ARHGEF4: variants seen among roughly 807,000 people sequenced by gnomAD.
ARHGEF4 encodes the protein Rho guanine nucleotide exchange factor 4.
Under a neutral mutation model 162.0 loss-of-function variants are expected in ARHGEF4, and 119 were observed. The ratio of observed to expected loss-of-function variants is 0.73; its 90% CI spans 0.63 to 0.86. The LOEUF is 0.86. ARHGEF4 is among the 40% of genes least tolerant of loss of function. The probability of loss-of-function intolerance (pLI) is 0.00; values close to 1 mark genes in which losing one functional copy is unlikely to be tolerated. For missense variants in ARHGEF4, 2,488 were observed against 2,456.0 expected (o/e 1.01, Z -0.28); for synonymous variants, 1,014 against 979.9 (o/e 1.03, Z -0.65).
At chr2:131,037,719 G>C (rs1038505373) in intron 5 of ARHGEF4, among the ~76,000 whole-genome samples, 1 of 152,220 alleles carries the variant, frequency 6.6e-6, no homozygotes, top group African/African-American at 2.4e-5. Context: ...TGGCGTACAA[G>C]GGCTGCCTGG....
chr2:130,880,191 G>A (rs942919861), intron 1 of ARHGEF4, among the ~76,000 whole-genome samples: 1 of 152,150 alleles, frequency 6.6e-6, no homozygotes, highest in Non-Finnish European at 1.5e-5. Context: ...GGGTCCAGGC[G>A]GGCTGATCCC....
intron 1 of ARHGEF4, among the ~76,000 whole-genome samples, chr2:130,903,858 G>T (rs1574197435): frequency 2.0e-5 from 3 of 152,278 alleles, no homozygotes; most frequent in East Asian, 3.9e-4. Context: ...ATTTGATTTT[G>T]TTCTTTTTTA....
At chr2:131,020,312 T>C (rs1689031074) in intron 4 of ARHGEF4, among the ~76,000 whole-genome samples, 1 of 150,466 alleles carries the variant, frequency 6.6e-6, no homozygotes, top group African/African-American at 2.4e-5. Context: ...TAACATTAGG[T>C]ATATCTCCTA....
At chr2:130,877,544 G>A (rs1292575356) in intron 1 of ARHGEF4, among the ~76,000 whole-genome samples, 3 of 152,116 alleles carry the variant, frequency 2.0e-5, no homozygotes, top group African/African-American at 7.2e-5. Flanking sequence ...CAGCTGCTTG[G>A]GGGGCTGAGG....
chr2:130,910,602 A>C (rs1046328327), intron 1 of ARHGEF4, among the ~76,000 whole-genome samples: 3 of 152,198 alleles, frequency 2.0e-5, no homozygotes, highest in Admixed American at 1.3e-4. Flanking sequence ...AAAAACTAGT[A>C]AGACTTCCGA....
chr2:130,894,784 G>A (rs1018875162), intron 1 of ARHGEF4, among the ~76,000 whole-genome samples: 1 of 152,030 alleles, frequency 6.6e-6, no homozygotes, highest in Non-Finnish European at 1.5e-5. Context: ...CCTGTGGCGG[G>A]AGGTTGGGCA....
intron 4 of ARHGEF4, among the ~76,000 whole-genome samples, chr2:131,013,456 A>C (rs539317413): frequency 6.6e-6 from 1 of 152,250 alleles, no homozygotes; most frequent in Non-Finnish European, 1.5e-5. Context: ...ACCTAAAACT[A>C]ATATCCACAT....
Position 130,969,075 on chromosome 2 carries a change from C to T in ARHGEF4, c.3985+22440C>T, listed in dbSNP as rs528179060. 2.6e-5 allele frequency among the ~76,000 whole-genome samples: 4 copies of T among 152,254 alleles called. No homozygotes were observed. In the South Asian group the frequency reaches 8.3e-4, roughly 32 times the overall value. On this transcript the variant is annotated intron_variant, in intron 4 of 13. Transcript: ENST00000409359. The stretch of plus-strand genomic sequence containing the variant: ...ATAAGTAGAAAATGCATTTAGTACG[C>T]CTAACCTACTGAACATCATAGCTTA...
chr2:130,963,895 G>A (rs1380857085), intron 4 of ARHGEF4: 2 of 147,480 alleles, frequency 1.4e-5, no homozygotes, highest in Non-Finnish European at 3.0e-5. Flanking sequence ...GGAGCCCCAT[G>A]ATGTCAGCCG....
chr2:131,001,984 G>C (rs996392352), intron 4 of ARHGEF4, among the ~76,000 whole-genome samples: 1 of 152,142 alleles, frequency 6.6e-6, no homozygotes, highest in Non-Finnish European at 1.5e-5. Context: ...ATGCCAAAAT[G>C]CTGGCATTTG....
intron 1 of ARHGEF4, 94 bp downstream of exon 1, chr2:130,837,086 C>A: frequency 8.7e-7 from 1 of 1,152,340 alleles, no homozygotes; most frequent in Non-Finnish European, 1.1e-6. Context: ...CGCCCCGGGC[C>A]GTCCCCTGGG....
In ARHGEF4 at chr2:130,946,580, G is replaced by A; in HGVS notation, c.3930G>A (p.Gln1310=). The A allele has an allele frequency of 6.2e-7, 1 of 1,614,096 alleles. No homozygotes were observed. The highest frequency in any genetic ancestry group is 8.5e-7 in the Non-Finnish European group (1 of 1,179,982). ...NLPRRSHPLS[Q]SAPTGLNHMG... Reference sequence around the variant, plus strand: ...CTAGAAGAAGCCATCCACTCTCCCAGAGTGCTCCAACGGGACTGAACCACA... The same window carrying A: ...CTAGAAGAAGCCATCCACTCTCCCAAAGTGCTCCAACGGGACTGAACCACA... Residue 1310 remains glutamine (Q), a synonymous_variant, in exon 4 of 14, where the codon CAG becomes CAA. Coordinates refer to ENST00000409359, the MANE Select transcript of ARHGEF4 (RefSeq NM_001367493.1).
At chr2:130,989,023 A>G (rs945297290) in intron 4 of ARHGEF4, among the ~76,000 whole-genome samples, 2 of 151,624 alleles carry the variant, frequency 1.3e-5, no homozygotes, top group Admixed American at 6.6e-5. Flanking sequence ...GTGCAATGGC[A>G]CGATCTTGGC....
At chr2:130,878,822 C>T (rs982808524) in intron 1 of ARHGEF4, among the ~76,000 whole-genome samples, 5 of 152,222 alleles carry the variant, frequency 3.3e-5, no homozygotes, top group Non-Finnish European at 5.9e-5. Flanking sequence ...CAGATATTGA[C>T]GGGTTCTTTG....
At chr2:131,001,961 A>T (rs567456612) in intron 4 of ARHGEF4, among the ~76,000 whole-genome samples, 1 of 152,198 alleles carries the variant, frequency 6.6e-6, no homozygotes, top group African/African-American at 2.4e-5. Context: ...ATTTTGGGAG[A>T]TAAGCAATAA....
intron 4 of ARHGEF4, among the ~76,000 whole-genome samples, chr2:130,947,628 A>C: frequency 6.6e-6 from 1 of 152,132 alleles, no homozygotes; most frequent in East Asian, 1.9e-4. Context: ...CTTTCTCCAA[A>C]CTATAGCAAA....
At position 130,916,325 on chromosome 2, in the gene ARHGEF4, GT is replaced by G; in HGVS notation, c.2383del (p.Ser795ProfsTer3). 1.3e-6 allele frequency: 2 copies of G among 1,542,880 alleles called. No individual in the cohort carries two copies. The highest frequency in any genetic ancestry group is 1.7e-6 in the Non-Finnish European group (2 of 1,145,106). On this transcript the variant is annotated frameshift_variant, in exon 2 of 14. Coordinates refer to ENST00000409359, the MANE Select transcript of ARHGEF4 (RefSeq NM_001367493.1). LOFTEE classifies it high-confidence loss of function. ...GAQEPGKRPTFSKVTSFRKGR... is the reference protein window; with the variant it reads ...GAQEPGKRPTXSKVTSFRKGR... ...CGCAGGAGCCTGGGAAGCGCCCGAC[GT>G]TTTCCAAGGTGACCTCCTTCAGGAA...
intron 3 of ARHGEF4, among the ~76,000 whole-genome samples, chr2:130,944,463 C>T (rs940432562): frequency 2.6e-5 from 4 of 152,122 alleles, no homozygotes; most frequent in African/African-American, 9.7e-5. Context: ...TCCCCCCAAC[C>T]TTTTCTCTCT....
intron 4 of ARHGEF4, among the ~76,000 whole-genome samples, chr2:131,023,124 C>G (rs1411584461): frequency 7.4e-6 from 1 of 134,796 alleles, no homozygotes; most frequent in Non-Finnish European, 1.6e-5. Context: ...ATTAAAACAC[C>G]AATTATTAAA....
Sources: gnomAD v4.1 joint callset for allele counts (sites outside exome capture counted in the v4.1 genomes callset) on GRCh38, gnomAD v4.1.1 for gene constraint, MANE v1.5 for transcripts, NCBI Gene and HGNC (gene_info 2026-07-23, HGNC 2026-07-21) for gene names.